The following AATF variants were observed in gnomAD, a reference collection of about 807,000 sequenced individuals.
AATF encodes the protein apoptosis antagonizing transcription factor, also known as protein AATF.
In AATF, 48 loss-of-function variants were observed where a neutral mutation model predicts 63.7. The ratio of observed to expected loss-of-function variants is 0.75; its 90% CI spans 0.60 to 0.96. AATF has a LOEUF of 0.96. Ranked by LOEUF, AATF falls within the 40% of genes least tolerant of loss-of-function variation. AATF has a pLI of 0.00. For synonymous variants in AATF, 258 were observed against 247.7 expected, an observed-to-expected ratio of 1.04 and a Z score of -0.39; for missense variants, 639 against 685.7, an observed-to-expected ratio of 0.93 and a Z score of 0.76.
At chr17:36,953,407 T>C (rs763444029) in intron 3 of AATF, 111 bp downstream of exon 3, 151 of 1,500,344 alleles carry the variant, frequency 1.0e-4, no homozygotes, top group Non-Finnish European at 1.3e-4. Context: ...TTCAATTAGT[T>C]TGTGACATGC....
At chr17:37,015,523 A>G (rs2071422751) in intron 8 of AATF, among the ~76,000 whole-genome samples, 1 of 152,182 alleles carries the variant, frequency 6.6e-6, no homozygotes, top group African/African-American at 2.4e-5. Context: ...TCCCTCCATC[A>G]TGCCCTTTTA....
At chr17:36,950,690 G>A (rs1195051012) in intron 2 of AATF, among the ~76,000 whole-genome samples, 2 of 152,110 alleles carry the variant, frequency 1.3e-5, no homozygotes, top group African/African-American at 2.4e-5. Context: ...GTAGAGACGG[G>A]GTTTGTCCAT....
rs543287200 is a variant in AATF at position 37,019,051 on chromosome 17, A to G, written c.1445A>G (p.Asn482Ser). Residue 482 changes from asparagine to serine, a missense_variant, in exon 9 of 12, where the codon AAC (asparagine) becomes AGC (serine). Asn to Ser is a conservative substitution (Grantham distance 46). Transcript: ENST00000619387. ...CGGAAGACCAGCTCCTTGGATCCCA[A>G]CGATCAGGTGGCCATGGGAAGGTAA... ...IERKTSSLDP[N>S]DQVAMGRQWL... is the part of the protein sequence containing the mutation. 116 of 1,614,116 alleles carry G rather than the reference A, an allele frequency of 7.2e-5. No individual in the cohort carries two copies. In the South Asian group the frequency reaches 1.1e-3, roughly 15 times the overall value.
At chr17:37,031,350 TGC>T in intron 10 of AATF, 2 of 500,876 alleles carry the variant, frequency 4.0e-6, no homozygotes, top group Non-Finnish European at 3.6e-6. Flanking sequence ...GCAAATACTA[TGC>T]CATTTTATAT....
chr17:36,989,120 A>G (rs779532927), intron 6 of AATF, 127 bp from the exon 7 acceptor site: 2 of 1,125,822 alleles, frequency 1.8e-6, no homozygotes, highest in Admixed American at 2.4e-5. Flanking sequence ...TCAGTCCTTT[A>G]CAGAAAGTCC....
intron 8 of AATF, among the ~76,000 whole-genome samples, chr17:37,006,197 C>T (rs113849067): frequency 0.12 from 17,736 of 152,076 alleles, 1,308 homozygotes; most frequent in Non-Finnish European, 0.16. Context: ...GGGCCAGGTG[C>T]GGTGGCTCTT....
chr17:37,030,276 T>A (rs560461577), intron 10 of AATF, among the ~76,000 whole-genome samples: 1 of 152,292 alleles, frequency 6.6e-6, no homozygotes, highest in African/African-American at 2.4e-5. Context: ...TTTGTTGAGA[T>A]AAAGAATTAC....
At chr17:36,996,739 GAAGCTGCACAGAACAGGAAGCAA>G (rs1314170682) in intron 8 of AATF, among the ~76,000 whole-genome samples, 3 of 152,140 alleles carry the variant, frequency 2.0e-5, no homozygotes, top group Non-Finnish European at 2.9e-5. Context: ...CACTGTTGTG[GAAGCTGCACAGAACAGGAAGCAA>G]AAGCCACATT....
At chr17:37,006,058 G>T (rs543263701) in intron 8 of AATF, among the ~76,000 whole-genome samples, 2 of 152,082 alleles carry the variant, frequency 1.3e-5, no homozygotes, top group Non-Finnish European at 2.9e-5. Context: ...TCACTTGAGC[G>T]CAGGACCTCA....
At position 36,952,944 on chromosome 17, in the gene AATF, G is replaced by A; in HGVS notation, c.342G>A (p.Leu114=). ...ATGAAGATTCAGAGGGACTGGGTCTGGAGGAATATGATGAGGACGACCTGG... is the reference window on the plus strand; with the variant it reads ...ATGAAGATTCAGAGGGACTGGGTCTAGAGGAATATGATGAGGACGACCTGG... ...SGDEDSEGLG[L]EEYDEDDLGA... Residue 114 remains leucine, a synonymous_variant, in exon 3 of 12, where the codon CTG becomes CTA. Transcript: ENST00000619387. 1 of 1,614,206 alleles carries A rather than the reference G, an allele frequency of 6.2e-7. No homozygotes were observed. Among genetic ancestry groups the A allele is most frequent in the Non-Finnish European group, 8.5e-7 (1 of 1,180,036 alleles).
chr17:36,955,363 T>G (rs560534488), intron 4 of AATF, among the ~76,000 whole-genome samples: 1 of 152,344 alleles, frequency 6.6e-6, no homozygotes, highest in South Asian at 2.1e-4. Context: ...ACTTAAAGTC[T>G]GCTTCTTCCC....
At chr17:36,961,963 C>T (rs1231350239) in intron 4 of AATF, among the ~76,000 whole-genome samples, 2 of 152,144 alleles carry the variant, frequency 1.3e-5, no homozygotes, top group South Asian at 2.1e-4. Context: ...GCGTGAGCCA[C>T]GGTGCTGGGC....
chr17:37,045,452 G>A (rs1336393246), intron 11 of AATF: 1 of 152,320 alleles, frequency 6.6e-6, no homozygotes, highest in Non-Finnish European at 1.5e-5. Context: ...CGACACCCAG[G>A]AGACACAGTC....
At chr17:37,049,453 A>G (rs1439900260) in intron 11 of AATF, among the ~76,000 whole-genome samples, 1 of 152,046 alleles carries the variant, frequency 6.6e-6, no homozygotes, top group Non-Finnish European at 1.5e-5. Flanking sequence ...ATACAAAAAA[A>G]AGTTAGCCAG....
intron 11 of AATF, among the ~76,000 whole-genome samples, chr17:37,042,070 A>G (rs8072975): frequency 0.037 from 5,644 of 151,968 alleles, 355 homozygotes; most frequent in African/African-American, 0.13. Flanking sequence ...TGAATTCTCT[A>G]TATTATGGCT....
intron 4 of AATF, among the ~76,000 whole-genome samples, chr17:36,977,675 AAATG>A (rs1303572812): frequency 6.6e-6 from 1 of 152,222 alleles, no homozygotes; most frequent in African/African-American, 2.4e-5. Flanking sequence ...TATCAAATAA[AAATG>A]AAAGTATCCG....
chr17:36,964,819 G>A (rs2070978678), intron 4 of AATF, among the ~76,000 whole-genome samples: 2 of 136,130 alleles, frequency 1.5e-5, no homozygotes, highest in Admixed American at 1.8e-4. Flanking sequence ...TTTACATCAT[G>A]CCATCTCTTG....
chr17:37,004,167 T>C (rs1041127877), intron 8 of AATF, among the ~76,000 whole-genome samples: 2 of 151,630 alleles, frequency 1.3e-5, no homozygotes, highest in Non-Finnish European at 1.5e-5. Flanking sequence ...CCATCTCTAC[T>C]AAAAATACAA....
intron 11 of AATF, 68 bp downstream of exon 11, chr17:37,031,753 C>A: frequency 8.1e-7 from 1 of 1,227,220 alleles, no homozygotes; most frequent in Non-Finnish European, 1.2e-6. Flanking sequence ...TGCTCTACAG[C>A]CTTCGCCCTC....
Sources: allele counts gnomAD v4.1 joint callset (sites outside exome capture counted in the v4.1 genomes callset), GRCh38; gene constraint gnomAD v4.1.1; transcripts MANE v1.5; gene names NCBI Gene and HGNC (gene_info 2026-07-23, HGNC 2026-07-21).